The following KIF18A variants were observed in gnomAD, a reference collection of about 807,000 sequenced individuals.
The protein encoded by KIF18A is kinesin family member 18A.
A neutral mutation model predicts 103.3 loss-of-function variants in KIF18A; 67 were observed. That is an observed-to-expected ratio of 0.65 (90% CI 0.53 to 0.79). The LOEUF (loss-of-function observed/expected upper bound fraction) is 0.79. Among genes scored for constraint, KIF18A ranks in the 30% least tolerant of loss-of-function variants. The pLI is 0.00. For synonymous variants in KIF18A, 367 were observed against 355.5 expected (o/e 1.03, Z -0.36); for missense variants, 1,032 against 1,062.5 (o/e 0.97, Z 0.40).
intron 15 of KIF18A, among the ~76,000 whole-genome samples, chr11:28,032,106 G>GGA (rs548741845): frequency 6.7e-6 from 1 of 149,034 alleles, no homozygotes; most frequent in African/African-American, 2.5e-5. Flanking sequence ...GAAATAATTT[G>GGA]AAAAAAAAAG....
chr11:28,041,545 GGACAA>G (rs1318694063), intron 13 of KIF18A, among the ~76,000 whole-genome samples: 3 of 151,776 alleles, frequency 2.0e-5, no homozygotes, highest in African/African-American at 7.2e-5. Context: ...TAGGATTTAT[GGACAA>G]GACAAGGGTT....
intron 15 of KIF18A, among the ~76,000 whole-genome samples, chr11:28,034,298 T>C (rs2133493816): frequency 1.3e-5 from 2 of 151,882 alleles, no homozygotes; most frequent in African/African-American, 4.8e-5. Context: ...TCTCCTGGCA[T>C]ACTTTGTAAT....
rs770464991 is a variant in KIF18A, at chr11:28,077,013, T to C, written c.1419A>G (p.Val473=). The C allele has an allele frequency of 7.4e-6, 11 of 1,488,604 alleles. No individual in the cohort carries two copies. Among genetic ancestry groups the C allele is most frequent in the African/African-American group, 1.5e-5 (1 of 68,440 alleles). 92.2% of individuals were successfully genotyped at this position (1,488,604 alleles called of 1,614,324 possible). ...QIEMMCSEDK[V]EKATGKRDHR... ...TTATAAAATTGTTAATTACCTTTTC[T>C]ACTTTGTCTTCAGAACACATCATTT... Residue 473 remains valine, a synonymous_variant, in exon 10 of 17, where the codon GTA becomes GTG. Coordinates refer to ENST00000263181, the MANE Select transcript of KIF18A (RefSeq NM_031217.4).
In KIF18A at chr11:28,059,162, C is replaced by G. The variant is rs1850826031; in HGVS notation, c.1713-1G>C. On this transcript the variant is annotated splice_acceptor_variant, in intron 12 of 16. Coordinates refer to ENST00000263181, the MANE Select transcript of KIF18A (RefSeq NM_031217.4). LOFTEE classifies it high-confidence loss of function. Reference sequence around the variant, plus strand: ...GGTTGGAAGTAAAGCATTCAATACTCTATATACAGAAGATGAGAAGAAAGG... The same window carrying G: ...GGTTGGAAGTAAAGCATTCAATACTGTATATACAGAAGATGAGAAGAAAGG... The G allele has an allele frequency of 6.3e-7, 1 of 1,583,790 alleles. No homozygotes were observed. The highest frequency in any genetic ancestry group is 8.7e-7 in the Non-Finnish European group (1 of 1,153,088).
intron 10 of KIF18A, among the ~76,000 whole-genome samples, chr11:28,073,496 G>T (rs546831881): frequency 1.1e-4 from 16 of 152,242 alleles, no homozygotes; most frequent in Non-Finnish European, 1.8e-4. Context: ...TCTGAAGCCA[G>T]ACAGCTGGGG....
intron 13 of KIF18A, among the ~76,000 whole-genome samples, chr11:28,042,196 G>C (rs931655186): frequency 1.3e-5 from 2 of 151,780 alleles, no homozygotes; most frequent in African/African-American, 4.8e-5. Context: ...GGATAAGTAG[G>C]AAACAGTCCT....
chr11:28,025,927 A>G (rs1850312913), intron 15 of KIF18A, among the ~76,000 whole-genome samples: 1 of 151,974 alleles, frequency 6.6e-6, no homozygotes, highest in Non-Finnish European at 1.5e-5. Context: ...ATAATTAGAC[A>G]TCTTTCAAAA....
Position 28,058,909 on chromosome 11 carries a change from A to T in KIF18A, c.1948+17T>A. The T allele has an allele frequency of 6.3e-7, 1 of 1,594,744 alleles. No individual in the cohort carries two copies. Among genetic ancestry groups the T allele is most frequent in the Non-Finnish European group, 8.6e-7 (1 of 1,163,552 alleles). ...GAAATAATGTTACTATTTACTTAAA[A>T]CGAAAGTTATACTTACAACAAGGAA... On this transcript the variant is annotated intron_variant, in intron 13 of 16. Transcript: ENST00000263181.
rs774749408 is a variant in KIF18A, at chr11:28,090,654, A to C, written c.662T>G (p.Met221Arg). ...ATGAGAACGAGAAGATGTGGCATTC[A>C]TATCAGTGGGATGTTGTGTCCTGTT... ...NKNRTQHPTD[M>R]NATSSRSHAV... Residue 221 changes from methionine to arginine, a missense_variant, in exon 5 of 17, where the codon ATG becomes AGG. Transcript: ENST00000263181. 6.2e-7 allele frequency: 1 copy of C among 1,608,556 alleles called. No individual in the cohort carries two copies. Among genetic ancestry groups the C allele is most frequent in the Admixed American group, 1.7e-5 (1 of 59,874 alleles).
At chr11:28,091,682 C>G (rs1303506500) in intron 3 of KIF18A, among the ~76,000 whole-genome samples, 169 bp from the exon 4 acceptor site, 4 of 152,154 alleles carry the variant, frequency 2.6e-5, no homozygotes, top group African/African-American at 4.8e-5. Context: ...AATTTTCTAT[C>G]ATTCCAGAAA....
chr11:28,084,531 T>C, intron 7 of KIF18A, 101 bp downstream of exon 7: 1 of 956,098 alleles, frequency 1.0e-6, no homozygotes, highest in Non-Finnish European at 1.5e-6. Flanking sequence ...GCTGCCTAAC[T>C]CATTATGTAG....
At chr11:28,071,718 G>C (rs1851017446) in intron 10 of KIF18A, among the ~76,000 whole-genome samples, 1 of 152,110 alleles carries the variant, frequency 6.6e-6, no homozygotes, top group Admixed American at 6.5e-5. Context: ...TGCTATAACA[G>C]AAGGTGGGAG....
intron 11 of KIF18A, among the ~76,000 whole-genome samples, chr11:28,065,505 A>G (rs949237211): frequency 2.5e-4 from 38 of 152,128 alleles, no homozygotes; most frequent in African/African-American, 8.4e-4. Context: ...AATCTAGAAG[A>G]CAGATTGCTA....
chr11:28,070,672 T>G (rs1234452303), intron 10 of KIF18A, among the ~76,000 whole-genome samples: 3 of 152,114 alleles, frequency 2.0e-5, no homozygotes, highest in Non-Finnish European at 4.4e-5. Context: ...AAAACCTGGA[T>G]AGTCAAGAAG....
chr11:28,031,246 G>A lies in KIF18A; in HGVS notation c.2504+4141C>T, dbSNP rs547629577. Among the ~76,000 whole-genome samples, 724 of 152,124 alleles carry A rather than the reference G, an allele frequency of 4.8e-3. 4 individuals carry two copies. The highest frequency in any genetic ancestry group is 5.9e-3 in the Non-Finnish European group (398 of 67,988). On this transcript the variant is annotated intron_variant, in intron 15 of 16. Transcript: ENST00000263181. Reference sequence around the variant, plus strand: ...ACACATGCACACGTATGTTTATTGCGGCACTATTCACAATAGCAAAGACTT... The same window carrying A: ...ACACATGCACACGTATGTTTATTGCAGCACTATTCACAATAGCAAAGACTT...
Position 28,059,021 on chromosome 11 carries a change from T to C in KIF18A, c.1853A>G (p.Asp618Gly). ...VERKKVVVWA[D>G]QTAEQPKQND... ...TTGCTTTGGTTGTTCGGCAGTTTGG[T>C]CAGCCCAAACTACCACTTTTTTCCT... Residue 618 changes from aspartate (D) to glycine (G), a missense_variant, in exon 13 of 17, where the codon GAC becomes GGC. Asp to Gly is a moderately conservative substitution (Grantham distance 94). Transcript: ENST00000263181. The C allele has an allele frequency of 1.2e-6, 2 of 1,614,096 alleles. No individual in the cohort carries two copies. Among genetic ancestry groups the C allele is most frequent in the Non-Finnish European group, 1.7e-6 (2 of 1,179,968 alleles).
chr11:28,099,065 A>G (rs1392139300), intron 1 of KIF18A, among the ~76,000 whole-genome samples: 3 of 152,180 alleles, frequency 2.0e-5, no homozygotes, highest in Non-Finnish European at 4.4e-5. Flanking sequence ...ATTCACAATA[A>G]CTAAGATATA....
intron 3 of KIF18A, 48 bp from the exon 4 acceptor site, chr11:28,091,561 G>C: frequency 1.1e-6 from 1 of 922,494 alleles, no homozygotes; most frequent in Non-Finnish European, 1.7e-6. Flanking sequence ...AAAAAAAAAT[G>C]GTGATTACAT....
chr11:28,065,402 C>G (rs1416691280), intron 11 of KIF18A, among the ~76,000 whole-genome samples: 1 of 151,884 alleles, frequency 6.6e-6, no homozygotes, highest in Non-Finnish European at 1.5e-5. Flanking sequence ...ATTTTATTTG[C>G]TCAAGTTATT....
Sources: allele counts gnomAD v4.1 joint callset (sites outside exome capture counted in the v4.1 genomes callset), GRCh38; gene constraint gnomAD v4.1.1; transcripts MANE v1.5; gene names NCBI Gene and HGNC (gene_info 2026-07-23, HGNC 2026-07-21).